LRWD1: variants seen among roughly 807,000 people sequenced by gnomAD.
LRWD1 encodes leucine rich repeats and WD repeat domain containing 1, also known as leucine-rich repeat and WD repeat-containing protein 1.
A neutral mutation model predicts 75.6 loss-of-function variants in LRWD1; 76 were observed. That is an observed-to-expected ratio of 1.01 (90% CI 0.84 to 1.22). The LOEUF (loss-of-function observed/expected upper bound fraction) is 1.22. Among genes scored for constraint, LRWD1 ranks in the 50% most tolerant of loss-of-function variants. The pLI is 0.00. For synonymous variants in LRWD1, 487 were observed against 377.0 expected (o/e 1.29, Z -3.38); for missense variants, 917 against 862.0 (o/e 1.06, Z -0.80).
rs956395904 is a variant in LRWD1, at chr7:102,473,137, A to G, written c.*88A>G. On this transcript the variant is annotated 3_prime_UTR_variant, in exon 15 of 15. Transcript: ENST00000292616. ...GGGGTGGGGGGGGGTCTTTCAGTGA[A>G]TATTTTTATTAAACTCTACTGTGGA... is the stretch of plus-strand genomic sequence containing the variant. 13 of 1,403,638 alleles carry G rather than the reference A, an allele frequency of 9.3e-6. No individual in the cohort carries two copies. Among genetic ancestry groups the G allele is most frequent in the Non-Finnish European group, 1.3e-5 (13 of 1,033,868 alleles). The allele number at this position is 1,403,638 out of a possible 1,614,324, so 86.9% of individuals were successfully genotyped here. A position where few individuals can be genotyped will look rare whatever the true frequency, so the allele number is the denominator to read the frequency against.
chr7:102,465,488 G>GTTTT (rs1797932813), intron 1 of LRWD1: 12 of 108,044 alleles, frequency 1.1e-4, no homozygotes, highest in African/African-American at 4.5e-4. Flanking sequence ...AGTAGTTGCA[G>GTTTT]CTTTTTTTTT....
chr7:102,472,400 G>C, intron 12 of LRWD1, 54 bp from the exon 13 acceptor site: 1 of 1,549,412 alleles, frequency 6.5e-7, no homozygotes, highest in Non-Finnish European at 8.7e-7. Flanking sequence ...ATCTCTAGTG[G>C]GAGAAGGTGT....
At position 102,468,136 on chromosome 7, in the gene LRWD1, C is replaced by T; in HGVS notation, c.753C>T (p.Ser251=). The T allele has an allele frequency of 6.2e-7, 1 of 1,608,068 alleles. No individual in the cohort carries two copies. ...SLSPSKRACA[S]PSAQVEGSPV... ...CTCCCAGCAAGCGGGCGTGTGCCTCCCCGTCGGCCCAGGTGGAGGGCAGCC... is the reference window on the plus strand; with the variant it reads ...CTCCCAGCAAGCGGGCGTGTGCCTCTCCGTCGGCCCAGGTGGAGGGCAGCC... The change falls in exon 6 of 15, where the codon TCC becomes TCT. Residue 251 remains serine (S), a synonymous_variant. Transcript: ENST00000292616.
chr7:102,472,834 G>T lies in LRWD1; in HGVS notation c.1803+30G>T, dbSNP rs765926146. 3.1e-6 allele frequency: 5 copies of T among 1,612,264 alleles called. No individual in the cohort carries two copies. In the East Asian group the frequency reaches 8.9e-5, roughly 29 times the overall value. On this transcript the variant is annotated intron_variant, in intron 14 of 14. Coordinates refer to ENST00000292616, the MANE Select transcript of LRWD1 (RefSeq NM_152892.3). ...TGCCCGGCTCACCCTGCCCAGGCTTGGGCTGGCAAGGCATCAGGGGCCCTG... is the reference window on the plus strand; with the variant it reads ...TGCCCGGCTCACCCTGCCCAGGCTTTGGCTGGCAAGGCATCAGGGGCCCTG...
In LRWD1 at chr7:102,473,011, A is replaced by G; in HGVS notation, c.1906A>G (p.Thr636Ala). 1 of 1,613,932 alleles carries G rather than the reference A, an allele frequency of 6.2e-7. No homozygotes were observed. The highest frequency in any genetic ancestry group is 1.1e-5 in the South Asian group (1 of 91,078). Residue 636 changes from threonine to alanine, a missense_variant, in exon 15 of 15, where the codon ACG becomes GCG. Physicochemically the swap from Thr to Ala is moderately conservative, Grantham distance 58 (BLOSUM62 0). Coordinates refer to ENST00000292616, the MANE Select transcript of LRWD1 (RefSeq NM_152892.3). ...NASFTYLTAL[T>A]DSNIVAIWGR... ...CTCCTTCACCTACCTCACCGCCCTG[A>G]CGGACTCCAACATCGTAGCCATCTG...
rs762667067 is a variant in LRWD1, at chr7:102,468,252, T to TC, written c.805-5dup. The TC allele has an allele frequency of 3.7e-6, 6 of 1,602,634 alleles. No individual in the cohort carries two copies. The highest frequency in any genetic ancestry group is 1.3e-5 in the African/African-American group (1 of 74,722). The stretch of plus-strand genomic sequence containing the variant: ...GGGCTGGGCAGCTGTGACCCTTCTC[T>TC]CCCCCCACAGCCTGCTGTGAAGCTG... On this transcript the variant is annotated splice_polypyrimidine_tract_variant and intron_variant, in intron 6 of 14. Transcript: ENST00000292616.
intron 3 of LRWD1, among the ~76,000 whole-genome samples, 162 bp from the exon 4 acceptor site, chr7:102,467,174 GTGT>G (rs1563654268): frequency 1.6e-4 from 13 of 80,116 alleles, no homozygotes; most frequent in South Asian, 4.5e-4. Context: ...TGTGTGGGGT[GTGT>G]GTGTGTGTGT....
At position 102,472,203 on chromosome 7, in the gene LRWD1, C is replaced by A; in HGVS notation, c.1443-15C>A. On this transcript the variant is annotated splice_polypyrimidine_tract_variant and intron_variant, in intron 11 of 14. Transcript: ENST00000292616. ...TGCAAGGAATGGCCAACTAGCATCT[C>A]GTGCTGCCCCACAGGGTGTGTGAAG... 3 of 1,577,206 alleles carry A rather than the reference C, an allele frequency of 1.9e-6. No homozygotes were observed. Among genetic ancestry groups the A allele is most frequent in the East Asian group, 2.3e-5 (1 of 43,414 alleles).
At chr7:102,465,488 G>GTTTTTTTTTTTTTTTTTTTTTTTTTT (rs1797932813) in intron 1 of LRWD1, 1 of 107,648 alleles carries the variant, frequency 9.3e-6, no homozygotes, top group Non-Finnish European at 1.7e-5. Flanking sequence ...AGTAGTTGCA[G>GTTTTTTTTTTTTTTTTTTTTTTTTTT]CTTTTTTTTT....
At position 102,472,808 on chromosome 7, in the gene LRWD1, C is replaced by T. The variant is rs754584202; in HGVS notation, c.1803+4C>T. The T allele has an allele frequency of 1.9e-6, 3 of 1,613,258 alleles. No homozygotes were observed. The highest frequency in any genetic ancestry group is 2.5e-6 in the Non-Finnish European group (3 of 1,179,856). On this transcript the variant is annotated splice_donor_region_variant and intron_variant, in intron 14 of 14. Coordinates refer to ENST00000292616, the MANE Select transcript of LRWD1 (RefSeq NM_152892.3). Reference sequence around the variant, plus strand: ...AGCCCTGCAGGCCCCCACACAGGTACTGCCCGGCTCACCCTGCCCAGGCTT... The same window carrying T: ...AGCCCTGCAGGCCCCCACACAGGTATTGCCCGGCTCACCCTGCCCAGGCTT...
chr7:102,465,697 G>A (rs1228108254), intron 1 of LRWD1, 120 bp from the exon 2 acceptor site: 2 of 699,232 alleles, frequency 2.9e-6, no homozygotes, highest in East Asian at 5.4e-5. Context: ...GGGGGGATGG[G>A]CGGGGCGGCT....
Position 102,467,171 on chromosome 7 carries a change from G to GTGTGTGTGTATGTGTGTGT in LRWD1, c.433-168_433-167insTGTGTGTGTATGTGTGTGT, listed in dbSNP as rs1554579596. Among the ~76,000 whole-genome samples the GTGTGTGTGTATGTGTGTGT allele has an allele frequency of 3.4e-3, 337 of 99,142 alleles. 22 individuals carry two copies. The highest frequency in any genetic ancestry group is 9.3e-3 in the Admixed American group (86 of 9,246). The allele number at this position is 99,142 out of a possible 152,430, so 65.0% of individuals were successfully genotyped here. On this transcript the variant is annotated intron_variant, in intron 3 of 14. Coordinates refer to ENST00000292616, the MANE Select transcript of LRWD1 (RefSeq NM_152892.3). Reference sequence around the variant, plus strand: ...TGGGTTGTTGCTGGGGTGTGTGTGGGGTGTGTGTGTGTGTGTGTGTGTGTG... The same window carrying GTGTGTGTGTATGTGTGTGT: ...TGGGTTGTTGCTGGGGTGTGTGTGGGTGTGTGTGTATGTGTGTGTGTGTGTGTGTGTGTGTGTGTGTGTG...
chr7:102,468,348 C>T lies in LRWD1; in HGVS notation c.890C>T (p.Ala297Val). 1 of 1,611,300 alleles carries T rather than the reference C, an allele frequency of 6.2e-7. No homozygotes were observed. Among genetic ancestry groups the T allele is most frequent in the Non-Finnish European group, 8.5e-7 (1 of 1,179,100 alleles). Reference sequence around the variant, plus strand: ...CAGGACCTCGAGACCCAGCTGTGGGCCTGTGCCTTCGAGCCGGCCTGGGAG... The same window carrying T: ...CAGGACCTCGAGACCCAGCTGTGGGTCTGTGCCTTCGAGCCGGCCTGGGAG... ...SPQDLETQLW[A>V]CAFEPAWEEG... Residue 297 changes from alanine (A) to valine (V), a missense_variant, in exon 7 of 15, where the codon GCC becomes GTC. Ala to Val is a moderately conservative substitution (Grantham distance 64). Transcript: ENST00000292616.
At position 102,465,170 on chromosome 7, in the gene LRWD1, G is replaced by A. The variant is rs571987032; in HGVS notation, c.80+10G>A. ...AGATCCGGAGTCTGGAGTAAGAGCC[G>A]GGCAGCGGGTGAGGCTGTGTCCTCG... On this transcript the variant is annotated intron_variant, in intron 1 of 14. Transcript: ENST00000292616. 2 of 1,490,346 alleles carry A rather than the reference G, an allele frequency of 1.3e-6. No homozygotes were observed. The highest frequency in any genetic ancestry group is 2.8e-5 in the East Asian group (1 of 35,138). 92.3% of individuals were successfully genotyped at this position (1,490,346 alleles called of 1,614,324 possible). A position where few individuals can be genotyped will look rare whatever the true frequency, so the allele number is the denominator to read the frequency against.
chr7:102,468,015 G>A, intron 5 of LRWD1, 47 bp from the exon 6 acceptor site: 1 of 1,588,376 alleles, frequency 6.3e-7, no homozygotes, highest in Non-Finnish European at 8.5e-7. Context: ...TGGGGAGGAA[G>A]GAAGCCCCAG....
intron 5 of LRWD1, 44 bp from the exon 6 acceptor site, chr7:102,468,018 A>T: frequency 6.3e-7 from 1 of 1,589,818 alleles, no homozygotes; most frequent in East Asian, 2.2e-5. Flanking sequence ...GGAGGAAGGA[A>T]GCCCCAGGCA....
intron 7 of LRWD1, 28 bp downstream of exon 7, chr7:102,468,405 G>A: frequency 1.3e-6 from 2 of 1,573,634 alleles, no homozygotes; most frequent in Non-Finnish European, 1.7e-6. Context: ...GGCGGGGCAA[G>A]GGCCGCTGGA....
At position 102,472,814 on chromosome 7, in the gene LRWD1, G is replaced by T. The variant is rs112683653; in HGVS notation, c.1803+10G>T. On this transcript the variant is annotated intron_variant, in intron 14 of 14. Transcript: ENST00000292616. ...GCAGGCCCCCACACAGGTACTGCCCGGCTCACCCTGCCCAGGCTTGGGCTG... is the reference window on the plus strand; with the variant it reads ...GCAGGCCCCCACACAGGTACTGCCCTGCTCACCCTGCCCAGGCTTGGGCTG... 1.2e-6 allele frequency: 2 copies of T among 1,612,894 alleles called. No homozygotes were observed. Among genetic ancestry groups the T allele is most frequent in the African/African-American group, 1.3e-5 (1 of 74,924 alleles).
At position 102,468,587 on chromosome 7, in the gene LRWD1, G is replaced by T; in HGVS notation, c.953G>T (p.Gly318Val). 1 of 1,577,824 alleles carries T rather than the reference G, an allele frequency of 6.3e-7. No homozygotes were observed. The highest frequency in any genetic ancestry group is 2.3e-5 in the East Asian group (1 of 42,714). ...ATSQTVATCG[G>V]EAVCVIDCQT... is the part of the protein sequence containing the mutation. ...TCCCAGACCGTGGCCACGTGCGGCG[G>T]GGAGGCTGTGTGCGTAATTGATTGC... The change falls in exon 8 of 15, where the codon GGG becomes GTG. Residue 318 changes from glycine to valine, a missense_variant. Coordinates refer to ENST00000292616, the MANE Select transcript of LRWD1 (RefSeq NM_152892.3).
Sources: allele counts gnomAD v4.1 joint callset (sites outside exome capture counted in the v4.1 genomes callset), GRCh38; gene constraint gnomAD v4.1.1; transcripts MANE v1.5; gene names NCBI Gene and HGNC (gene_info 2026-07-23, HGNC 2026-07-21).